PTPRD: variants seen among roughly 807,000 people sequenced by gnomAD.
The protein encoded by PTPRD is protein tyrosine phosphatase receptor type D.
A neutral mutation model predicts 214.5 loss-of-function variants in PTPRD; 34 were observed. The ratio of observed to expected loss-of-function variants is 0.16; its 90% CI spans 0.12 to 0.21. The LOEUF (loss-of-function observed/expected upper bound fraction) is 0.21. Ranked by LOEUF, PTPRD falls within the 10% of genes least tolerant of loss-of-function variation. The pLI is 1.00. For missense variants in PTPRD, 2,545 were observed against 2,398.7 expected (o/e 1.06, Z -1.27); for synonymous variants, 1,128 against 845.7 (o/e 1.33, Z -5.79).
At chr9:9,990,439 G>A (rs2095873114) in intron 4 of PTPRD, among the ~76,000 whole-genome samples, 1 of 152,186 alleles carries the variant, frequency 6.6e-6, no homozygotes, top group South Asian at 2.1e-4. Context: ...TCAGTGAGGG[G>A]GCTTGGCGGC....
At chr9:10,311,082 G>A (rs1050730595) in intron 3 of PTPRD, among the ~76,000 whole-genome samples, 4 of 151,808 alleles carry the variant, frequency 2.6e-5, no homozygotes, top group Non-Finnish European at 2.9e-5. Context: ...TTTATATACC[G>A]ATTTTTTTTT....
At chr9:9,658,503 G>A (rs1013806111) in intron 7 of PTPRD, among the ~76,000 whole-genome samples, 1 of 152,110 alleles carries the variant, frequency 6.6e-6, no homozygotes, top group Non-Finnish European at 1.5e-5. Context: ...CATGTAGTAG[G>A]AGTTTGATAA....
chr9:8,769,038 C>G (rs2094985298), intron 11 of PTPRD, among the ~76,000 whole-genome samples: 1 of 152,138 alleles, frequency 6.6e-6, no homozygotes, highest in Non-Finnish European at 1.5e-5. Flanking sequence ...AGCAACCCAC[C>G]TAATTCTGTG....
At chr9:10,534,490 T>A (rs1045152854) in intron 2 of PTPRD, among the ~76,000 whole-genome samples, 1 of 152,082 alleles carries the variant, frequency 6.6e-6, no homozygotes, top group Non-Finnish European at 1.5e-5. Context: ...GCAAAAGCAA[T>A]GGTTTTGATA....
In PTPRD at chr9:10,270,552, G is replaced by A. The variant is rs543935248; in HGVS notation, c.-545+70411C>T. On this transcript the variant is annotated intron_variant, in intron 3 of 45. Transcript: ENST00000381196. The stretch of plus-strand genomic sequence containing the variant: ...TGAATAAGATGTTAAATGCAGAACT[G>A]CCATACAAAAATCAAAATAAAAACC... Among the ~76,000 whole-genome samples, 3 of 152,246 alleles carry A rather than the reference G, an allele frequency of 2.0e-5. No individual in the cohort carries two copies. The South Asian group carries it at 6.2e-4, about 32-fold the overall frequency.
intron 3 of PTPRD, among the ~76,000 whole-genome samples, chr9:10,324,189 T>A (rs2096603909): frequency 1.3e-5 from 2 of 152,058 alleles, no homozygotes; most frequent in Non-Finnish European, 2.9e-5. Flanking sequence ...ACTATAGCTT[T>A]CACAATGGAC....
At chr9:9,922,977 C>A (rs937822416) in intron 5 of PTPRD, among the ~76,000 whole-genome samples, 1 of 151,924 alleles carries the variant, frequency 6.6e-6, no homozygotes, top group Non-Finnish European at 1.5e-5. Flanking sequence ...AGTATTTTAT[C>A]AATGTCACAT....
intron 5 of PTPRD, among the ~76,000 whole-genome samples, chr9:9,851,534 T>G (rs2060546042): frequency 6.6e-6 from 1 of 152,244 alleles, no homozygotes; most frequent in African/African-American, 2.4e-5. Context: ...ATGATAATAT[T>G]GAATTACATT....
chr9:10,169,473 C>CAAAAAAAAAAAAAAAAAAAAAAAAAAA (rs59335943), intron 3 of PTPRD, among the ~76,000 whole-genome samples: 2 of 66,874 alleles, frequency 3.0e-5, no homozygotes, highest in Admixed American at 1.7e-4. Context: ...GACTCTGTCT[C>CAAAAAAAAAAAAAAAAAAAAAAAAAAA]AAAAAAAAAA....
At chr9:8,741,067 G>T (rs1254019490) in intron 11 of PTPRD, among the ~76,000 whole-genome samples, 1 of 152,042 alleles carries the variant, frequency 6.6e-6, no homozygotes. Context: ...ATCCCTGTAA[G>T]ATATCAAGTG....
chr9:9,070,152 GA>G (rs1396530763), intron 10 of PTPRD, among the ~76,000 whole-genome samples: 1 of 152,020 alleles, frequency 6.6e-6, no homozygotes, highest in African/African-American at 2.4e-5. Flanking sequence ...AGGAAATATT[GA>G]CTTAAATTAG....
intron 3 of PTPRD, among the ~76,000 whole-genome samples, chr9:10,249,732 C>T (rs1002178665): frequency 1.3e-5 from 2 of 152,040 alleles, no homozygotes; most frequent in African/African-American, 4.8e-5. Context: ...TATTAATTTT[C>T]CTACCATAAA....
At chr9:10,527,234 G>T (rs1173581218) in intron 2 of PTPRD, among the ~76,000 whole-genome samples, 2 of 152,112 alleles carry the variant, frequency 1.3e-5, no homozygotes, top group East Asian at 3.9e-4. Flanking sequence ...ATGCTCGCAA[G>T]TCTGCTCATG....
At chr9:10,520,032 C>T (rs1173645127) in intron 2 of PTPRD, among the ~76,000 whole-genome samples, 2 of 152,040 alleles carry the variant, frequency 1.3e-5, no homozygotes, top group Non-Finnish European at 2.9e-5. Context: ...ACAATGGCCT[C>T]TAAGTATTCA....
intron 4 of PTPRD, among the ~76,000 whole-genome samples, chr9:10,000,154 G>A (rs570763610): frequency 9.9e-5 from 15 of 152,274 alleles, no homozygotes; most frequent in African/African-American, 3.4e-4. Flanking sequence ...GGAAATGTAT[G>A]CTCTTCTCAA....
chr9:9,214,561 A>C (rs1324492988), intron 9 of PTPRD, among the ~76,000 whole-genome samples: 7 of 151,898 alleles, frequency 4.6e-5, no homozygotes, highest in Non-Finnish European at 7.4e-5. Context: ...AGAGCTTCTC[A>C]ATGAGGAGAA....
intron 2 of PTPRD, among the ~76,000 whole-genome samples, chr9:10,540,092 A>G (rs76992225): frequency 0.066 from 10,073 of 152,034 alleles, 352 homozygotes; most frequent in South Asian, 0.098. Flanking sequence ...GTGCAGTGGC[A>G]TGGTCTTGGC....
chr9:9,838,584 T>C (rs1410314160), intron 5 of PTPRD, among the ~76,000 whole-genome samples: 1 of 152,228 alleles, frequency 6.6e-6, no homozygotes, highest in African/African-American at 2.4e-5. Context: ...GAAGTGTCTG[T>C]TCATGTCCTT....
At chr9:9,486,430 T>C (rs1460173785) in intron 8 of PTPRD, among the ~76,000 whole-genome samples, 1 of 152,146 alleles carries the variant, frequency 6.6e-6, no homozygotes, top group Non-Finnish European at 1.5e-5. Flanking sequence ...TCTTTCAGAT[T>C]TCCAGCATTA....
Sources: allele counts gnomAD v4.1 joint callset (sites outside exome capture counted in the v4.1 genomes callset), GRCh38; gene constraint gnomAD v4.1.1; transcripts MANE v1.5; gene names NCBI Gene and HGNC (gene_info 2026-07-23, HGNC 2026-07-21).